ZDHHC14: variants seen among roughly 807,000 people sequenced by gnomAD.
ZDHHC14 encodes zDHHC palmitoyltransferase 14.
Under a neutral mutation model 47.7 loss-of-function variants are expected in ZDHHC14, and 16 were observed. That is an observed-to-expected ratio of 0.34 (90% CI 0.23 to 0.51). The LOEUF is 0.51. ZDHHC14 is among the 20% of genes least tolerant of loss of function. The pLI is 0.97. For missense variants in ZDHHC14, 515 were observed against 662.5 expected (o/e 0.78, Z 2.44); for synonymous variants, 293 against 278.9 (o/e 1.05, Z -0.50).
chr6:157,400,798 C>T (rs149123711), intron 1 of ZDHHC14, among the ~76,000 whole-genome samples: 2 of 152,200 alleles, frequency 1.3e-5, no homozygotes, highest in Non-Finnish European at 2.9e-5. Flanking sequence ...AACCCTGCAG[C>T]GTTCCCCCAG....
chr6:157,578,480 C>T (rs1313161635), intron 2 of ZDHHC14, among the ~76,000 whole-genome samples: 2 of 152,144 alleles, frequency 1.3e-5, no homozygotes, highest in East Asian at 3.8e-4. Context: ...TCAGGTTTGT[C>T]AATGATCAGA....
rs1369260898 is a variant in ZDHHC14, at chr6:157,632,918, A to C, written c.752+36A>C. Reference sequence around the variant, plus strand: ...TGATGATTCTGTTTTCACGATGCTAATGTGTTGAGTATCTGGCTGACCTTC... The same window carrying C: ...TGATGATTCTGTTTTCACGATGCTACTGTGTTGAGTATCTGGCTGACCTTC... On this transcript the variant is annotated intron_variant, in intron 5 of 8. Coordinates refer to ENST00000359775, the MANE Select transcript of ZDHHC14 (RefSeq NM_024630.3). 5 of 1,610,494 alleles carry C rather than the reference A, an allele frequency of 3.1e-6. No homozygotes were observed. The South Asian group carries it at 5.5e-5, about 18-fold the overall frequency.
intron 1 of ZDHHC14, among the ~76,000 whole-genome samples, chr6:157,504,102 T>C (rs775546102): frequency 6.6e-5 from 10 of 152,146 alleles, no homozygotes; most frequent in Non-Finnish European, 1.0e-4. Flanking sequence ...AACAAATAAA[T>C]GCACCATGGG....
chr6:157,396,212 C>T (rs540158325), intron 1 of ZDHHC14, among the ~76,000 whole-genome samples: 39 of 152,122 alleles, frequency 2.6e-4, no homozygotes, highest in African/African-American at 9.2e-4. Flanking sequence ...GTTGACATAC[C>T]GAGGCCTTTC....
In ZDHHC14 at chr6:157,449,207, A is replaced by G. The variant is rs180932757; in HGVS notation, c.245+66941A>G. On this transcript the variant is annotated intron_variant, in intron 1 of 8. Coordinates refer to ENST00000359775, the MANE Select transcript of ZDHHC14 (RefSeq NM_024630.3). The stretch of plus-strand genomic sequence containing the variant: ...AAGTTGGTAAAGAAATGAGATGGCC[A>G]GTAGGAAACCTCAGTCCATGAAAAG... 1.3e-4 allele frequency among the ~76,000 whole-genome samples: 20 copies of G among 152,360 alleles called. 1 individual carries two copies. In the East Asian group the frequency reaches 3.9e-3, roughly 29 times the overall value.
rs187179714 is a variant in ZDHHC14 at position 157,432,999 on chromosome 6, C to T, written c.245+50733C>T. Among the ~76,000 whole-genome samples, 8 of 152,380 alleles carry T rather than the reference C, an allele frequency of 5.3e-5. No individual in the cohort carries two copies. In the East Asian group the frequency reaches 1.5e-3, roughly 29 times the overall value. ...TTTCCTTCTGCGCTGAAATCCCCGG[C>T]GTGGGGCGGCTCTGCTGCCGTCGCC... On this transcript the variant is annotated intron_variant, in intron 1 of 8. Transcript: ENST00000359775.
chr6:157,642,998 C>G (rs1777331326), intron 5 of ZDHHC14, among the ~76,000 whole-genome samples: 1 of 152,240 alleles, frequency 6.6e-6, no homozygotes, highest in Admixed American at 6.5e-5. Flanking sequence ...TTCTGTCATC[C>G]CAGCAGAGCA....
chr6:157,672,642 G>T, intron 8 of ZDHHC14, 82 bp from the exon 9 acceptor site: 1 of 107,202 alleles, frequency 9.3e-6, no homozygotes, highest in Non-Finnish European at 1.9e-5. Context: ...CTCCCCGCCC[G>T]TGCCCTGTCC....
At chr6:157,555,584 T>C (rs1245805301) in intron 2 of ZDHHC14, among the ~76,000 whole-genome samples, 2 of 152,246 alleles carry the variant, frequency 1.3e-5, no homozygotes, top group Non-Finnish European at 2.9e-5. Context: ...TCTTAGGTGC[T>C]ATAGAAGAAT....
chr6:157,624,692 A>G (rs1465850657), intron 3 of ZDHHC14, among the ~76,000 whole-genome samples: 1 of 152,198 alleles, frequency 6.6e-6, no homozygotes, highest in Middle Eastern at 3.2e-3. Flanking sequence ...TAACTGTGTG[A>G]CCTTGGGCAA....
intron 3 of ZDHHC14, among the ~76,000 whole-genome samples, chr6:157,594,966 A>C (rs1371164803): frequency 6.6e-6 from 1 of 152,094 alleles, no homozygotes; most frequent in African/African-American, 2.4e-5. Context: ...TTGTGCACAT[A>C]AACTCTTCTG....
chr6:157,555,408 A>G (rs1032438444), intron 2 of ZDHHC14, among the ~76,000 whole-genome samples: 2 of 152,214 alleles, frequency 1.3e-5, no homozygotes, highest in Non-Finnish European at 2.9e-5. Flanking sequence ...GGTGACTACA[A>G]AGAGAATTCC....
rs541884069 is a variant in ZDHHC14, at chr6:157,642,602, G to C, written c.753-3135G>C. ...AGCAGGGGTTGTGGGGGAGACAGAG[G>C]TGCAGTGGTAGCTGCTATGATTTGA... On this transcript the variant is annotated intron_variant, in intron 5 of 8. Coordinates refer to ENST00000359775, the MANE Select transcript of ZDHHC14 (RefSeq NM_024630.3). Among the ~76,000 whole-genome samples, 15 of 152,304 alleles carry C rather than the reference G, an allele frequency of 9.8e-5. No homozygotes were observed. The East Asian group carries it at 2.9e-3, about 29-fold the overall frequency.
In ZDHHC14 at chr6:157,672,982, G is replaced by A; in HGVS notation, c.1327G>A (p.Glu443Lys). 6.3e-7 allele frequency: 1 copy of A among 1,594,324 alleles called. No individual in the cohort carries two copies. Among genetic ancestry groups the A allele is most frequent in the Non-Finnish European group, 8.5e-7 (1 of 1,174,296 alleles). ...GGGCCACCAGTTCCTGACGCCCGATGAGGCGCCCTCGCCCCCCAGGCTACT... is the reference window on the plus strand; with the variant it reads ...GGGCCACCAGTTCCTGACGCCCGATAAGGCGCCCTCGCCCCCCAGGCTACT... Reference protein sequence around the residue: ...HMGHQFLTPDEAPSPPRLLAA... With the variant: ...HMGHQFLTPDKAPSPPRLLAA... The change falls in exon 9 of 9, where the codon GAG becomes AAG. Residue 443 changes from glutamate to lysine, a missense_variant. Glu to Lys is a moderately conservative substitution (Grantham distance 56). Coordinates refer to ENST00000359775, the MANE Select transcript of ZDHHC14 (RefSeq NM_024630.3).
At chr6:157,634,770 G>A (rs1776883484) in intron 5 of ZDHHC14, among the ~76,000 whole-genome samples, 1 of 152,242 alleles carries the variant, frequency 6.6e-6, no homozygotes. Flanking sequence ...CAGGAGGCCT[G>A]GTGCATGTTT....
At position 157,592,885 on chromosome 6, in the gene ZDHHC14, C is replaced by T. The variant is rs567567123; in HGVS notation, c.407-103C>T. On this transcript the variant is annotated intron_variant, in intron 2 of 8. Coordinates refer to ENST00000359775, the MANE Select transcript of ZDHHC14 (RefSeq NM_024630.3). ...CGTGGGCACCGGGGGCCCTGCCAGC[C>T]GCTGTGCCTGCTGCCCTGGAGCTTA... The T allele has an allele frequency of 7.3e-6, 11 of 1,499,772 alleles. No individual in the cohort carries two copies. In the Admixed American group the frequency reaches 1.4e-4, roughly 20 times the overall value. 92.9% of individuals were successfully genotyped at this position (1,499,772 alleles called of 1,614,324 possible). A position where few individuals can be genotyped will look rare whatever the true frequency, so the allele number is the denominator to read the frequency against.
chr6:157,409,842 G>T (rs192853518), intron 1 of ZDHHC14, among the ~76,000 whole-genome samples: 231 of 151,616 alleles, frequency 1.5e-3, no homozygotes, highest in Non-Finnish European at 6.3e-4. Context: ...TATTTTTTGG[G>T]GGGGGGGACA....
At chr6:157,671,585 T>C (rs1464594403) in intron 8 of ZDHHC14, among the ~76,000 whole-genome samples, 1 of 152,214 alleles carries the variant, frequency 6.6e-6, no homozygotes, top group East Asian at 1.9e-4. Context: ...GGAGAGGGTT[T>C]GCGGAGCTAT....
chr6:157,482,534 A>G (rs558611307), intron 1 of ZDHHC14, among the ~76,000 whole-genome samples: 1 of 151,608 alleles, frequency 6.6e-6, no homozygotes, highest in Non-Finnish European at 1.5e-5. Context: ...GATTACAGGC[A>G]TGAGCCACCA....
Sources: gnomAD v4.1 joint callset for allele counts (sites outside exome capture counted in the v4.1 genomes callset) on GRCh38, gnomAD v4.1.1 for gene constraint, MANE v1.5 for transcripts, NCBI Gene and HGNC (gene_info 2026-07-23, HGNC 2026-07-21) for gene names.